The following RARB variants were observed in gnomAD, a reference collection of about 807,000 sequenced individuals.
RARB encodes the protein HBV-activated protein.
Under a neutral mutation model 51.9 loss-of-function variants are expected in RARB, and 17 were observed. That is an observed-to-expected ratio of 0.33 (90% CI 0.22 to 0.49). The LOEUF (loss-of-function observed/expected upper bound fraction) is 0.49, where lower values mean the gene tolerates loss of function less well. Among genes scored for constraint, RARB ranks in the 20% least tolerant of loss-of-function variants. The pLI is 0.99. For missense variants in RARB, 369 were observed against 550.8 expected (o/e 0.67, Z 3.30); for synonymous variants, 215 against 195.4 (o/e 1.10, Z -0.84).
chr3:25,476,895 T>C (rs1391079205), intron 2 of RARB, among the ~76,000 whole-genome samples: 1 of 152,214 alleles, frequency 6.6e-6, no homozygotes, highest in East Asian at 1.9e-4. Flanking sequence ...GTAAGTGCTA[T>C]GAGAATAGGA....
intron 2 of RARB, among the ~76,000 whole-genome samples, chr3:24,920,989 A>G (rs931623144): frequency 6.6e-6 from 1 of 152,152 alleles, no homozygotes; most frequent in African/African-American, 2.4e-5. Flanking sequence ...TAGTTCCACT[A>G]TTATAGTCAT....
intron 5 of RARB, among the ~76,000 whole-genome samples, chr3:25,382,013 G>A (rs990563535): frequency 4.6e-5 from 7 of 152,254 alleles, no homozygotes; most frequent in Non-Finnish European, 8.8e-5. Context: ...TGTCATCTTC[G>A]AAGTAGCTTG....
chr3:25,126,325 A>G (rs778703179), intron 3 of RARB, among the ~76,000 whole-genome samples: 2 of 152,164 alleles, frequency 1.3e-5, no homozygotes, highest in East Asian at 3.8e-4. Flanking sequence ...CAATTACTAA[A>G]ATAATGGGAA....
chr3:24,870,503 T>C (rs1268817284), intron 2 of RARB, among the ~76,000 whole-genome samples: 3 of 152,140 alleles, frequency 2.0e-5, no homozygotes, highest in African/African-American at 7.2e-5. Flanking sequence ...CAACACTGCT[T>C]TGTTTAATAT....
At chr3:25,295,421 C>T (rs1703892754) in intron 5 of RARB, among the ~76,000 whole-genome samples, 1 of 152,166 alleles carries the variant, frequency 6.6e-6, no homozygotes, top group African/African-American at 2.4e-5. Flanking sequence ...CAGAACTTTA[C>T]CAGACATCAA....
rs181917117 is a variant in RARB, at chr3:25,336,303, T to C, written c.179-124890T>C. Reference sequence around the variant, plus strand: ...TCTATTATGAGAATGACATACATGCTTTAAAAATAAGTAATAATAGCCTCA... The same window carrying C: ...TCTATTATGAGAATGACATACATGCCTTAAAAATAAGTAATAATAGCCTCA... On this transcript the variant is annotated intron_variant, in intron 5 of 11. Transcript: ENST00000383772. Among the ~76,000 whole-genome samples the C allele has an allele frequency of 3.9e-4, 60 of 152,356 alleles. No homozygotes were observed. In the East Asian group the frequency reaches 7.5e-3, roughly 19 times the overall value.
At chr3:25,077,965 G>T (rs1698910104) in intron 3 of RARB, among the ~76,000 whole-genome samples, 2 of 151,776 alleles carry the variant, frequency 1.3e-5, no homozygotes, top group Non-Finnish European at 1.5e-5. Context: ...TTTTCCCATG[G>T]CTTTTATTCA....
At chr3:25,196,879 T>A (rs1349133224) in intron 5 of RARB, among the ~76,000 whole-genome samples, 6 of 152,190 alleles carry the variant, frequency 3.9e-5, no homozygotes, top group Non-Finnish European at 5.9e-5. Flanking sequence ...TTTTGAGAAG[T>A]GTTGGTTCAT....
At chr3:25,520,941 T>C (rs1698375306) in intron 3 of RARB, among the ~76,000 whole-genome samples, 1 of 152,216 alleles carries the variant, frequency 6.6e-6, no homozygotes, top group Non-Finnish European at 1.5e-5. Flanking sequence ...TTTTGTCAGC[T>C]GTAGCACAAA....
chr3:24,923,483 C>A (rs1462331177), intron 2 of RARB, among the ~76,000 whole-genome samples: 1 of 152,032 alleles, frequency 6.6e-6, no homozygotes, highest in East Asian at 1.9e-4. Context: ...CTTATATAGG[C>A]ACTCTTCTTT....
intron 3 of RARB, among the ~76,000 whole-genome samples, chr3:25,067,622 A>G (rs1698688260): frequency 6.6e-6 from 1 of 152,212 alleles, no homozygotes; most frequent in Non-Finnish European, 1.5e-5. Context: ...CCCTAGTCCT[A>G]GTACCATACC....
At chr3:25,372,700 C>G (rs1706336659) in intron 5 of RARB, among the ~76,000 whole-genome samples, 1 of 152,124 alleles carries the variant, frequency 6.6e-6, no homozygotes, top group Non-Finnish European at 1.5e-5. Context: ...GTGGCGCATG[C>G]CTGTAGTTCC....
chr3:24,902,333 G>A (rs745954707), intron 2 of RARB, among the ~76,000 whole-genome samples: 10 of 152,158 alleles, frequency 6.6e-5, no homozygotes, highest in Non-Finnish European at 8.8e-5. Flanking sequence ...GTCAACCAAT[G>A]AGGTAGAATT....
intron 2 of RARB, among the ~76,000 whole-genome samples, chr3:24,914,731 T>C (rs9808989): frequency 0.61 from 92,609 of 151,998 alleles, 29,064 homozygotes; most frequent in East Asian, 0.76. Context: ...TCAGTACAGG[T>C]ACAACCATTC....
intron 4 of RARB, among the ~76,000 whole-genome samples, chr3:25,163,829 GT>G (rs1443575446): frequency 6.6e-6 from 1 of 152,064 alleles, no homozygotes; most frequent in African/African-American, 2.4e-5. Context: ...CAGTTGTGAT[GT>G]TTCTTTTGAC....
intron 5 of RARB, among the ~76,000 whole-genome samples, chr3:25,351,085 C>T (rs140104532): frequency 1.9e-3 from 287 of 152,176 alleles, no homozygotes; most frequent in African/African-American, 6.5e-3. Flanking sequence ...TCTGGTGCAG[C>T]GCTATATTAT....
chr3:24,833,623 A>T (rs997390824), intron 1 of RARB, among the ~76,000 whole-genome samples: 2 of 152,240 alleles, frequency 1.3e-5, no homozygotes, highest in Non-Finnish European at 2.9e-5. Flanking sequence ...ATCACTACAA[A>T]CAACCTCCTA....
chr3:24,928,144 G>A (rs1026478417), intron 2 of RARB, among the ~76,000 whole-genome samples: 1 of 152,000 alleles, frequency 6.6e-6, no homozygotes, highest in Non-Finnish European at 1.5e-5. Flanking sequence ...GTCTAAGTGG[G>A]TTTATGCCAT....
chr3:24,852,652 T>G (rs1418302831), intron 1 of RARB, among the ~76,000 whole-genome samples: 2 of 152,204 alleles, frequency 1.3e-5, no homozygotes, highest in African/African-American at 4.8e-5. Context: ...TCTATACAAT[T>G]AATTGTTTGG....
Sources: allele counts gnomAD v4.1 joint callset (sites outside exome capture counted in the v4.1 genomes callset), GRCh38; gene constraint gnomAD v4.1.1; transcripts MANE v1.5; gene names NCBI Gene and HGNC (gene_info 2026-07-23, HGNC 2026-07-21).